Variants in PTPRD observed in about 807,000 individuals in gnomAD.
PTPRD encodes protein tyrosine phosphatase receptor type D, also known as receptor-type tyrosine-protein phosphatase delta.
PTPRD carries 34 observed loss-of-function variants against 214.5 expected under a neutral mutation model. The observed-to-expected ratio is 0.16, with a 90% CI of 0.12 to 0.21. The LOEUF (loss-of-function observed/expected upper bound fraction) is 0.21. PTPRD is among the 10% of genes least tolerant of loss of function. The pLI, the probability that PTPRD is intolerant of heterozygous loss-of-function variation, is 1.00. For missense variants in PTPRD, 2,545 were observed against 2,398.7 expected, an observed-to-expected ratio of 1.06 and a Z score of -1.27; for synonymous variants, 1,128 against 845.7, an observed-to-expected ratio of 1.33 and a Z score of -5.79.
chr9:9,811,136 G>A (rs937828914), intron 5 of PTPRD, among the ~76,000 whole-genome samples: 69 of 152,196 alleles, frequency 4.5e-4, no homozygotes, highest in African/African-American at 1.6e-3. Flanking sequence ...TACTCAGGAG[G>A]CTGAGGCAAG....
At chr9:9,300,579 T>C (rs1286994642) in intron 9 of PTPRD, among the ~76,000 whole-genome samples, 3 of 151,732 alleles carry the variant, frequency 2.0e-5, no homozygotes, top group Non-Finnish European at 2.9e-5. Context: ...AATTAAGTCA[T>C]GAAGGTGGAG....
At chr9:10,233,291 G>T (rs2099618089) in intron 3 of PTPRD, among the ~76,000 whole-genome samples, 1 of 151,948 alleles carries the variant, frequency 6.6e-6, no homozygotes, top group Non-Finnish European at 1.5e-5. Context: ...CTTCCTGCTT[G>T]CATGCCAACA....
At chr9:8,460,618 A>G in intron 32 of PTPRD, 47 bp from the exon 33 acceptor site, 2 of 1,579,072 alleles carry the variant, frequency 1.3e-6, no homozygotes, top group Non-Finnish European at 1.7e-6. Flanking sequence ...ATGACTTTCT[A>G]GATAAGTACC....
At chr9:8,581,042 A>T (rs1422098812) in intron 14 of PTPRD, among the ~76,000 whole-genome samples, 1 of 152,204 alleles carries the variant, frequency 6.6e-6, no homozygotes, top group African/African-American at 2.4e-5. Flanking sequence ...CACACTCTGC[A>T]GAAAAGAATG....
intron 3 of PTPRD, among the ~76,000 whole-genome samples, chr9:10,271,303 G>C (rs185973133): frequency 2.6e-5 from 4 of 151,858 alleles, no homozygotes; most frequent in African/African-American, 7.3e-5. Flanking sequence ...GCATTTTTAG[G>C]TGTTACAAAT....
At chr9:10,019,012 T>G (rs1191241308) in intron 4 of PTPRD, among the ~76,000 whole-genome samples, 4 of 151,956 alleles carry the variant, frequency 2.6e-5, no homozygotes, top group South Asian at 4.1e-4. Flanking sequence ...GGGAGAAAAT[T>G]TTTGCAATCT....
At chr9:8,604,737 T>C (rs1030405341) in intron 14 of PTPRD, among the ~76,000 whole-genome samples, 2 of 152,132 alleles carry the variant, frequency 1.3e-5, no homozygotes, top group Admixed American at 6.6e-5. Context: ...GCCTACTGAG[T>C]TTGGTGGAAT....
In PTPRD at chr9:9,484,518, A is replaced by G. The variant is rs533801072; in HGVS notation, c.-236-87036T>C. Among the ~76,000 whole-genome samples, 7 of 152,266 alleles carry G rather than the reference A, an allele frequency of 4.6e-5. No individual in the cohort carries two copies. The East Asian group carries it at 1.4e-3, about 29-fold the overall frequency. ...TGCAAACAGTCAAATTGCATTCAAG[A>G]TTCATGTTTGTTGCTGAATGTAAAT... is the stretch of plus-strand genomic sequence containing the variant. On this transcript the variant is annotated intron_variant, in intron 8 of 45. Coordinates refer to ENST00000381196, the MANE Select transcript of PTPRD (RefSeq NM_002839.4).
chr9:9,486,738 T>C (rs1037596274), intron 8 of PTPRD, among the ~76,000 whole-genome samples: 3 of 152,206 alleles, frequency 2.0e-5, no homozygotes, highest in African/African-American at 7.2e-5. Flanking sequence ...CCAAAGACGT[T>C]CATTGAATCT....
chr9:10,338,546 T>C (rs923309785), intron 3 of PTPRD, among the ~76,000 whole-genome samples: 1 of 151,726 alleles, frequency 6.6e-6, no homozygotes, highest in Non-Finnish European at 1.5e-5. Flanking sequence ...TTTTATCACA[T>C]CTATAGATAA....
chr9:9,444,957 A>G (rs76580016), intron 8 of PTPRD, among the ~76,000 whole-genome samples: 2,857 of 152,214 alleles, frequency 0.019, 78 homozygotes, highest in African/African-American at 0.064. Context: ...GTTTTAACCT[A>G]ATTTTCTTGC....
chr9:9,244,774 A>G (rs559616178), intron 9 of PTPRD, among the ~76,000 whole-genome samples: 1 of 152,296 alleles, frequency 6.6e-6, no homozygotes, highest in South Asian at 2.1e-4. Flanking sequence ...ACAAAAGCCA[A>G]AATTGACAAA....
At chr9:8,805,600 T>C (rs1051305397) in intron 11 of PTPRD, among the ~76,000 whole-genome samples, 1 of 151,728 alleles carries the variant, frequency 6.6e-6, no homozygotes, top group South Asian at 2.1e-4. Context: ...TATTTTTTAT[T>C]ATTATTATTA....
chr9:10,129,749 G>C lies in PTPRD; in HGVS notation c.-544-95959C>G, dbSNP rs574537939. ...AAAGTCTTGTATGTAAATGTCATTTGTGTGTCTTTCCACCTAAATATTTTA... is the reference window on the plus strand; with the variant it reads ...AAAGTCTTGTATGTAAATGTCATTTCTGTGTCTTTCCACCTAAATATTTTA... On this transcript the variant is annotated intron_variant, in intron 3 of 45. Coordinates refer to ENST00000381196, the MANE Select transcript of PTPRD (RefSeq NM_002839.4). Among the ~76,000 whole-genome samples, 7 of 151,990 alleles carry C rather than the reference G, an allele frequency of 4.6e-5. 1 individual carries two copies. The South Asian group carries it at 1.5e-3, about 32-fold the overall frequency.
At chr9:8,490,778 C>G (rs903115440) in intron 27 of PTPRD, among the ~76,000 whole-genome samples, 8 of 152,120 alleles carry the variant, frequency 5.3e-5, no homozygotes, top group Admixed American at 5.2e-4. Flanking sequence ...GTACTCGTTT[C>G]CAAGATATGA....
intron 9 of PTPRD, among the ~76,000 whole-genome samples, chr9:9,333,953 G>T (rs1464853720): frequency 6.6e-6 from 1 of 151,810 alleles, no homozygotes; most frequent in Non-Finnish European, 1.5e-5. Context: ...CCTCAATGTC[G>T]TGCGTTCCAC....
At chr9:9,711,651 T>C (rs1226911438) in intron 7 of PTPRD, among the ~76,000 whole-genome samples, 1 of 152,156 alleles carries the variant, frequency 6.6e-6, no homozygotes, top group Non-Finnish European at 1.5e-5. Context: ...AATGGTGACA[T>C]TCTCAAGGTC....
chr9:9,946,150 T>C (rs1202855783), intron 4 of PTPRD, among the ~76,000 whole-genome samples: 1 of 148,376 alleles, frequency 6.7e-6, no homozygotes, highest in Non-Finnish European at 1.5e-5. Flanking sequence ...ACCTTGTACC[T>C]TCTAAGATAA....
intron 11 of PTPRD, among the ~76,000 whole-genome samples, chr9:8,970,692 G>T (rs1320008482): frequency 6.6e-6 from 1 of 151,746 alleles, no homozygotes; most frequent in Non-Finnish European, 1.5e-5. Flanking sequence ...TCAAATCAGT[G>T]AGGTCAACAC....
Sources: allele counts gnomAD v4.1 joint callset (sites outside exome capture counted in the v4.1 genomes callset), GRCh38; gene constraint gnomAD v4.1.1; transcripts MANE v1.5; gene names NCBI Gene and HGNC (gene_info 2026-07-23, HGNC 2026-07-21).